Variants in SPIDR observed in about 807,000 individuals in gnomAD.
SPIDR encodes the protein DNA repair-scaffolding protein.
Under a neutral mutation model 104.6 loss-of-function variants are expected in SPIDR, and 93 were observed. The observed-to-expected ratio is 0.89, with a 90% CI of 0.75 to 1.06. SPIDR has a LOEUF of 1.06. Ranked by LOEUF, SPIDR falls within the 50% of genes least tolerant of loss-of-function variation. The probability of loss-of-function intolerance (pLI) is 0.00; values close to 1 mark genes in which losing one functional copy is unlikely to be tolerated. For missense variants in SPIDR, 1,154 were observed against 1,111.2 expected (o/e 1.04, Z -0.55); for synonymous variants, 431 against 416.9 (o/e 1.03, Z -0.41).
chr8:47,720,314 G>A (rs746556989), intron 16 of SPIDR, among the ~76,000 whole-genome samples: 60 of 152,316 alleles, frequency 3.9e-4, no homozygotes, highest in Admixed American at 2.0e-4. Flanking sequence ...GTTTTTGTGT[G>A]GGCATAAGTT....
chr8:47,567,285 TCTCGGCTCACCGCAAC>T (rs1158444639), intron 8 of SPIDR, among the ~76,000 whole-genome samples: 1 of 151,978 alleles, frequency 6.6e-6, no homozygotes, highest in African/African-American at 2.4e-5. Flanking sequence ...AATGGTGCGA[TCTCGGCTCACCGCAAC>T]CTCTGCCTCC....
At chr8:47,311,532 A>G (rs969600546) in intron 5 of SPIDR, among the ~76,000 whole-genome samples, 5 of 152,298 alleles carry the variant, frequency 3.3e-5, no homozygotes, top group South Asian at 2.1e-4. Context: ...TAGACAAAAA[A>G]TCCTGCCTAG....
intron 8 of SPIDR, among the ~76,000 whole-genome samples, chr8:47,494,580 C>T (rs1020715627): frequency 7.9e-5 from 12 of 151,938 alleles, no homozygotes; most frequent in African/African-American, 2.9e-4. Flanking sequence ...CTGATTTGAT[C>T]AGAAACAATA....
intron 5 of SPIDR, among the ~76,000 whole-genome samples, chr8:47,370,529 C>T (rs2057866043): frequency 6.7e-6 from 1 of 149,978 alleles, no homozygotes; most frequent in East Asian, 2.0e-4. Flanking sequence ...TCACTGCAAC[C>T]TCTGCCTCCT....
chr8:47,355,154 G>GCACATTGGCCAGCTGGT (rs2054276699), intron 5 of SPIDR, among the ~76,000 whole-genome samples: 1 of 151,482 alleles, frequency 6.6e-6, no homozygotes, highest in Non-Finnish European at 1.5e-5. Flanking sequence ...CAGGGTTTCA[G>GCACATTGGCCAGCTGGT]CACATTGGCC....
intron 7 of SPIDR, among the ~76,000 whole-genome samples, chr8:47,416,038 G>A (rs1337547095): frequency 6.6e-6 from 1 of 152,220 alleles, no homozygotes; most frequent in East Asian, 1.9e-4. Context: ...AAGGTCAGGA[G>A]TTTGAGACCA....
At chr8:47,451,978 A>G (rs1471422883) in intron 8 of SPIDR, among the ~76,000 whole-genome samples, 2 of 152,320 alleles carry the variant, frequency 1.3e-5, no homozygotes, top group Non-Finnish European at 2.9e-5. Flanking sequence ...GGTAATTGCT[A>G]CCACTTGAAA....
intron 7 of SPIDR, among the ~76,000 whole-genome samples, chr8:47,416,388 A>G (rs1415985294): frequency 1.3e-5 from 2 of 152,222 alleles, no homozygotes; most frequent in Admixed American, 1.3e-4. Flanking sequence ...GTAGTATTCC[A>G]TGGTACAAAT....
At chr8:47,537,156 C>G (rs1040346735) in intron 8 of SPIDR, among the ~76,000 whole-genome samples, 2 of 152,202 alleles carry the variant, frequency 1.3e-5, no homozygotes, top group African/African-American at 4.8e-5. Context: ...CACTTCAGCA[C>G]TTTGTTACAA....
intron 5 of SPIDR, among the ~76,000 whole-genome samples, chr8:47,372,229 C>G (rs187472035): frequency 2.0e-5 from 3 of 152,216 alleles, no homozygotes; most frequent in South Asian, 4.1e-4. Context: ...TTTTATTTAT[C>G]GTTTGTCCCC....
At chr8:47,427,037 A>T (rs2066522000) in intron 7 of SPIDR, among the ~76,000 whole-genome samples, 2 of 151,928 alleles carry the variant, frequency 1.3e-5, no homozygotes, top group Admixed American at 1.3e-4. Context: ...AAGGAGAAAA[A>T]CTCTGATGAC....
Position 47,512,236 on chromosome 8 carries a change from C to T in SPIDR, c.1097+71694C>T, listed in dbSNP as rs2082443363. 4 of 315,428 alleles carry T rather than the reference C, an allele frequency of 1.3e-5. No individual in the cohort carries two copies. The South Asian group carries it at 1.4e-4, about 11-fold the overall frequency. 19.5% of individuals were successfully genotyped at this position (315,428 alleles called of 1,614,324 possible). On this transcript the variant is annotated intron_variant, in intron 8 of 19. Transcript: ENST00000297423. ...CTTTTGTCTTTCTCCTGAGAGGGAGCTTAGCGACTGGGTTGTTGAGGATGG... is the reference window on the plus strand; with the variant it reads ...CTTTTGTCTTTCTCCTGAGAGGGAGTTTAGCGACTGGGTTGTTGAGGATGG...
chr8:47,470,008 G>A (rs1455685307), intron 8 of SPIDR, among the ~76,000 whole-genome samples: 1 of 152,150 alleles, frequency 6.6e-6, no homozygotes, highest in Non-Finnish European at 1.5e-5. Context: ...CAGATTCAGT[G>A]CAATCCCTAT....
intron 8 of SPIDR, chr8:47,511,232 C>T (rs1045874983): frequency 4.0e-5 from 63 of 1,588,992 alleles, no homozygotes; most frequent in Middle Eastern, 3.7e-4. Context: ...AGCCTCCCAC[C>T]GTCTGCAAGC....
chr8:47,359,430 C>T (rs1448293275), intron 5 of SPIDR, among the ~76,000 whole-genome samples: 1 of 151,962 alleles, frequency 6.6e-6, no homozygotes, highest in Non-Finnish European at 1.5e-5. Flanking sequence ...TCAGAGCATG[C>T]AAAGGAACCT....
At chr8:47,459,394 T>A (rs1554711961) in intron 8 of SPIDR, among the ~76,000 whole-genome samples, 1 of 152,110 alleles carries the variant, frequency 6.6e-6, no homozygotes, top group East Asian at 1.9e-4. Context: ...TTATTCAGCA[T>A]CCTCTAGGTT....
At chr8:47,700,291 G>GTA (rs1199402330) in intron 11 of SPIDR, 112 bp from the exon 12 acceptor site, 2 of 1,088,192 alleles carry the variant, frequency 1.8e-6, no homozygotes, top group Non-Finnish European at 1.4e-6. Flanking sequence ...ATCTCGAATT[G>GTA]TAGTTCCATG....
chr8:47,419,915 G>A (rs1396822388), intron 7 of SPIDR, among the ~76,000 whole-genome samples: 1 of 152,148 alleles, frequency 6.6e-6, no homozygotes, highest in Non-Finnish European at 1.5e-5. Context: ...CAGTTTCCAT[G>A]TAGTTGAGCA....
At chr8:47,266,135 T>C (rs1383073667) in intron 1 of SPIDR, among the ~76,000 whole-genome samples, 1 of 150,540 alleles carries the variant, frequency 6.6e-6, no homozygotes, top group Non-Finnish European at 1.5e-5. Flanking sequence ...TTGTCTTTTT[T>C]TTTTTTTTTT....
Sources: gnomAD v4.1 joint callset for allele counts (sites outside exome capture counted in the v4.1 genomes callset) on GRCh38, gnomAD v4.1.1 for gene constraint, MANE v1.5 for transcripts, NCBI Gene and HGNC (gene_info 2026-07-23, HGNC 2026-07-21) for gene names.